RAB30: variants seen among roughly 807,000 people sequenced by gnomAD.
RAB30 encodes the protein RAB30, member RAS oncogene family.
Under a neutral mutation model 25.1 loss-of-function variants are expected in RAB30, and 9 were observed. That is an observed-to-expected ratio of 0.36 (90% CI 0.22 to 0.63). The LOEUF (loss-of-function observed/expected upper bound fraction) is 0.63. RAB30 is among the 20% of genes least tolerant of loss of function. RAB30 has a pLI of 0.69. For missense variants in RAB30, 140 were observed against 243.5 expected (o/e 0.58, Z 2.83); for synonymous variants, 77 against 86.4 (o/e 0.89, Z 0.60).
chr11:83,010,121 G>A (rs1857273351), intron 1 of RAB30, among the ~76,000 whole-genome samples: 1 of 152,146 alleles, frequency 6.6e-6, no homozygotes, highest in Non-Finnish European at 1.5e-5. Flanking sequence ...CAATAGAGAA[G>A]GGCTAACAGA....
intron 1 of RAB30, among the ~76,000 whole-genome samples, chr11:82,998,894 C>A (rs1857016920): frequency 6.6e-6 from 1 of 152,104 alleles, no homozygotes; most frequent in South Asian, 2.1e-4. Context: ...ACCAGCAGAC[C>A]TGGAGCTCAA....
chr11:83,004,582 G>C (rs1857148189), intron 1 of RAB30, among the ~76,000 whole-genome samples: 1 of 152,202 alleles, frequency 6.6e-6, no homozygotes. Context: ...AGGCATCATA[G>C]GGGTTCTTTA....
At position 82,982,009 on chromosome 11, in the gene RAB30, G is replaced by A; in HGVS notation, c.*156C>T. The A allele has an allele frequency of 1.0e-6, 1 of 960,302 alleles. No homozygotes were observed. Among genetic ancestry groups the A allele is most frequent in the Non-Finnish European group, 1.6e-6 (1 of 642,300 alleles). The allele number at this position is 960,302 out of a possible 1,614,324, so 59.5% of individuals were successfully genotyped here. The stretch of plus-strand genomic sequence containing the variant: ...ATATGTTCTGCTAATGCTGGCCTGT[G>A]GTCGAGGCCCTTGGCCTGCCATGCT... On this transcript the variant is annotated 3_prime_UTR_variant, in exon 5 of 5. Transcript: ENST00000527633.
chr11:83,020,554 G>C (rs530444284), intron 1 of RAB30, among the ~76,000 whole-genome samples: 1 of 152,348 alleles, frequency 6.6e-6, no homozygotes, highest in East Asian at 1.9e-4. Flanking sequence ...TGGACAGAAG[G>C]GGGCGAGTCC....
chr11:83,024,265 C>T (rs1857657156), intron 1 of RAB30, among the ~76,000 whole-genome samples: 1 of 152,152 alleles, frequency 6.6e-6, no homozygotes, highest in Non-Finnish European at 1.5e-5. Context: ...TTTCGCTTTC[C>T]AATTCTGCCC....
chr11:83,000,527 C>T (rs548849217), intron 1 of RAB30, among the ~76,000 whole-genome samples: 2 of 152,336 alleles, frequency 1.3e-5, no homozygotes, highest in African/African-American at 4.8e-5. Flanking sequence ...CTGTGGACCA[C>T]AACTCTCTGC....
chr11:83,015,376 G>A (rs555361263), intron 1 of RAB30, among the ~76,000 whole-genome samples: 57 of 151,888 alleles, frequency 3.8e-4, no homozygotes, highest in Admixed American at 1.2e-3. Context: ...AAGAGGATGG[G>A]AAAGAAAGAA....
In RAB30 at chr11:82,979,034, A is replaced by C. The variant is rs1426115029; in HGVS notation, c.*3131T>G. The C allele has an allele frequency of 2.0e-5, 3 of 152,216 alleles. No homozygotes were observed. Among genetic ancestry groups the C allele is most frequent in the African/African-American group, 7.2e-5 (3 of 41,456 alleles). The allele number at this position is 152,216 out of a possible 1,614,324, so 9.4% of individuals were successfully genotyped here. A position where few individuals can be genotyped will look rare whatever the true frequency, so the allele number is the denominator to read the frequency against. ...CCTAATCTAAGTAATCCATCAAAAA[A>C]GATAATTGGCCCTGTAAATTCAAAA... On this transcript the variant is annotated 3_prime_UTR_variant, in exon 5 of 5. Transcript: ENST00000527633.
At chr11:83,004,840 C>A (rs1857153495) in intron 1 of RAB30, among the ~76,000 whole-genome samples, 1 of 152,076 alleles carries the variant, frequency 6.6e-6, no homozygotes, top group African/African-American at 2.4e-5. Flanking sequence ...AGTAAGTGTA[C>A]ACTGAATTGA....
chr11:82,984,604 G>A (rs1856704587), intron 4 of RAB30, among the ~76,000 whole-genome samples: 1 of 152,080 alleles, frequency 6.6e-6, no homozygotes, highest in Admixed American at 6.6e-5. Context: ...AACCTAATAG[G>A]AAAACTCTCT....
At chr11:82,993,822 C>T (rs1226000812) in intron 3 of RAB30, among the ~76,000 whole-genome samples, 1 of 152,162 alleles carries the variant, frequency 6.6e-6, no homozygotes, top group Non-Finnish European at 1.5e-5. Context: ...CTTGCCTTAG[C>T]CATTTTCTGT....
chr11:83,062,866 G>T (rs1329130949), intron 1 of RAB30, among the ~76,000 whole-genome samples: 1 of 152,066 alleles, frequency 6.6e-6, no homozygotes, highest in Non-Finnish European at 1.5e-5. Context: ...AGCCAGGCAT[G>T]GTGGTGGGCA....
chr11:83,061,710 C>CTTTT (rs569263010), intron 1 of RAB30, among the ~76,000 whole-genome samples: 20 of 79,866 alleles, frequency 2.5e-4, no homozygotes, highest in African/African-American at 6.4e-4. Context: ...TCTTTCTTTT[C>CTTTT]TTTTTTTTTT....
chr11:82,992,513 T>C lies in RAB30; in HGVS notation c.177+1526A>G. On this transcript the variant is annotated intron_variant, in intron 3 of 4. Transcript: ENST00000527633. ...AAAATGCTGAAGAGCATTATGGAGC[T>C]TCTCTGCTCTTCCCAAGGCACTCAA... 5.2e-6 allele frequency: 2 copies of C among 385,586 alleles called. 1 individual carries two copies. The highest frequency in any genetic ancestry group is 3.9e-5 in the South Asian group (2 of 51,558). The allele number at this position is 385,586 out of a possible 1,614,324, so 23.9% of individuals were successfully genotyped here.
At chr11:82,996,342 G>A (rs565274687) in intron 2 of RAB30, among the ~76,000 whole-genome samples, 5 of 152,302 alleles carry the variant, frequency 3.3e-5, no homozygotes, top group African/African-American at 9.6e-5. Flanking sequence ...GGCTCACAGA[G>A]CAAGCCAGGG....
intron 1 of RAB30, among the ~76,000 whole-genome samples, chr11:83,062,193 G>C (rs1858599766): frequency 6.6e-6 from 1 of 152,090 alleles, no homozygotes; most frequent in African/African-American, 2.4e-5. Context: ...GGGAGGGCTA[G>C]GTCATGTCGA....
intron 1 of RAB30, among the ~76,000 whole-genome samples, chr11:83,036,401 C>G (rs1857989239): frequency 6.6e-6 from 1 of 152,142 alleles, no homozygotes; most frequent in Non-Finnish European, 1.5e-5. Flanking sequence ...CTCCTGACCT[C>G]AAGTGATCTT....
chr11:83,065,334 G>C (rs1007995135), intron 1 of RAB30, among the ~76,000 whole-genome samples: 16 of 152,216 alleles, frequency 1.1e-4, no homozygotes, highest in Admixed American at 2.6e-4. Context: ...AGGTTGCAGT[G>C]AGCTGTGATC....
At chr11:83,061,027 C>T (rs1227459415) in intron 1 of RAB30, among the ~76,000 whole-genome samples, 1 of 152,202 alleles carries the variant, frequency 6.6e-6, no homozygotes, top group Non-Finnish European at 1.5e-5. Flanking sequence ...CAGCAGCCCC[C>T]CAGTCTCTGG....
Sources: gnomAD v4.1 joint callset for allele counts (sites outside exome capture counted in the v4.1 genomes callset) on GRCh38, gnomAD v4.1.1 for gene constraint, MANE v1.5 for transcripts, NCBI Gene and HGNC (gene_info 2026-07-23, HGNC 2026-07-21) for gene names.